TMF1: variants seen among roughly 807,000 people sequenced by gnomAD.
TMF1 encodes TATA element modulatory factor 1.
A neutral mutation model predicts 126.5 loss-of-function variants in TMF1; 71 were observed. That is an observed-to-expected ratio of 0.56 (90% confidence interval 0.46 to 0.68). The LOEUF (loss-of-function observed/expected upper bound fraction) is 0.68, where lower values mean the gene tolerates loss of function less well. Ranked by LOEUF, TMF1 falls within the 30% of genes least tolerant of loss-of-function variation. TMF1 has a pLI of 0.00. For missense variants in TMF1, 1,259 were observed against 1,253.2 expected, an observed-to-expected ratio of 1.00 and a Z score of -0.07; for synonymous variants, 461 against 430.5, an observed-to-expected ratio of 1.07 and a Z score of -0.88.
intron 1 of TMF1, among the ~76,000 whole-genome samples, chr3:69,049,828 A>G (rs2091916302): frequency 6.6e-6 from 1 of 152,218 alleles, no homozygotes; most frequent in Non-Finnish European, 1.5e-5. Context: ...CATTTCTTTA[A>G]AAATGTTTTC....
chr3:69,042,282 C>T (rs1288481748), intron 5 of TMF1: 3 of 451,966 alleles, frequency 6.6e-6, no homozygotes, highest in Non-Finnish European at 1.3e-5. Flanking sequence ...AAATGATCCA[C>T]CCACCTCTGC....
At chr3:69,050,194 A>C (rs543967445) in intron 1 of TMF1, among the ~76,000 whole-genome samples, 278 of 151,978 alleles carry the variant, frequency 1.8e-3, no homozygotes, top group African/African-American at 6.6e-3. Flanking sequence ...CAGGAGACAG[A>C]ATCTGCAGTG....
At chr3:69,034,793 A>G (rs2091823313) in intron 9 of TMF1, among the ~76,000 whole-genome samples, 1 of 152,356 alleles carries the variant, frequency 6.6e-6, no homozygotes, top group Non-Finnish European at 1.5e-5. Flanking sequence ...CTGAATACAT[A>G]TAACAAATCT....
rs753669553 is a variant in TMF1, at chr3:69,047,788, CGATTATATTCAG to C, written c.905_916del (p.Pro302_Asn305del). ...AGTGAGTTTTTGGAAATCATCTAAA[CGATTATATTCAG>C]GACAAGCAGATGCAGAGAGAAGCTG... On this transcript the variant is annotated inframe_deletion, in exon 2 of 17. Transcript: ENST00000398559. 6.2e-7 allele frequency: 1 copy of C among 1,613,982 alleles called. No homozygotes were observed. The highest frequency in any genetic ancestry group is 1.1e-5 in the South Asian group (1 of 91,072).
In TMF1 at chr3:69,043,862, A is replaced by T. The variant is rs2091880621; in HGVS notation, c.1466T>A (p.Val489Glu). 6.2e-7 allele frequency: 1 copy of T among 1,604,362 alleles called. No individual in the cohort carries two copies. Among genetic ancestry groups the T allele is most frequent in the South Asian group, 1.1e-5 (1 of 88,900 alleles). ...FDNLKDEMFR[V>E]KEESSSISSL... ...AGAAATGCTACTGCTTTCTTCTTTCACTCTGAACATTTCACTAAATTTAAA... is the reference window on the plus strand; with the variant it reads ...AGAAATGCTACTGCTTTCTTCTTTCTCTCTGAACATTTCACTAAATTTAAA... The change falls in exon 4 of 17, where the codon GTG becomes GAG. Residue 489 changes from valine (V) to glutamate (E), a missense_variant. Val to Glu is a moderately radical substitution (Grantham distance 121). Coordinates refer to ENST00000398559, the MANE Select transcript of TMF1 (RefSeq NM_007114.3).
chr3:69,042,968 G>A, intron 4 of TMF1, 56 bp from the exon 5 acceptor site: 1 of 1,245,006 alleles, frequency 8.0e-7, no homozygotes. Flanking sequence ...TCTAAGTACA[G>A]TTCTCATTTC....
chr3:69,048,115 G>A lies in TMF1; in HGVS notation c.590C>T (p.Ser197Phe). The change falls in exon 2 of 17, where the codon TCT becomes TTT. Residue 197 changes from serine to phenylalanine, a missense_variant. Physicochemically the swap from Ser to Phe is radical, Grantham distance 155. Coordinates refer to ENST00000398559, the MANE Select transcript of TMF1 (RefSeq NM_007114.3). Reference sequence around the variant, plus strand: ...TGTTTTCACATCAATTACACTTTCAGATACTTTCAAACTTACAGTTGGCAC... The same window carrying A: ...TGTTTTCACATCAATTACACTTTCAAATACTTTCAAACTTACAGTTGGCAC... Reference protein sequence around the residue: ...MKVPTVSLKVSESVIDVKTTM... With the variant: ...MKVPTVSLKVFESVIDVKTTM... 1.2e-6 allele frequency: 2 copies of A among 1,614,146 alleles called. No homozygotes were observed. The highest frequency in any genetic ancestry group is 1.7e-6 in the Non-Finnish European group (2 of 1,180,024).
chr3:69,034,844 C>A, intron 9 of TMF1, 179 bp downstream of exon 9: 1 of 603,524 alleles, frequency 1.7e-6, no homozygotes. Flanking sequence ...AAGGAATTTC[C>A]TTGTATAATT....
intron 5 of TMF1, among the ~76,000 whole-genome samples, chr3:69,040,137 TG>T (rs1423266142): frequency 6.6e-6 from 1 of 152,150 alleles, no homozygotes; most frequent in Non-Finnish European, 1.5e-5. Context: ...CGAACATGGG[TG>T]GGACATCCTG....
chr3:69,044,265 CGAAAG>C (rs981603082), intron 3 of TMF1, among the ~76,000 whole-genome samples: 12 of 151,962 alleles, frequency 7.9e-5, no homozygotes, highest in Non-Finnish European at 1.5e-4. Context: ...AGACTAAAAA[CGAAAG>C]GAAAGAGTTT....
In TMF1 at chr3:69,038,674, C is replaced by T. The variant is rs1336295845; in HGVS notation, c.2041G>A (p.Ala681Thr). ...HKANAAKDSEAQEAALSREMK... is the reference protein window; with the variant it reads ...HKANAAKDSETQEAALSREMK... The stretch of plus-strand genomic sequence containing the variant: ...TCACGGCTCAGAGCAGCTTCCTGTG[C>T]CTCACTATCCTTTGCAGCATTGGCT... The change falls in exon 8 of 17, where the codon GCA becomes ACA. Residue 681 changes from alanine (A) to threonine (T), a missense_variant. Physicochemically the swap from Ala to Thr is moderately conservative, Grantham distance 58. Coordinates refer to ENST00000398559, the MANE Select transcript of TMF1 (RefSeq NM_007114.3). The T allele has an allele frequency of 2.5e-6, 4 of 1,614,122 alleles. No individual in the cohort carries two copies. Among genetic ancestry groups the T allele is most frequent in the Admixed American group, 3.3e-5 (2 of 60,016 alleles).
At position 69,026,099 on chromosome 3, in the gene TMF1, T is replaced by C; in HGVS notation, c.2758-2A>G. On this transcript the variant is annotated splice_acceptor_variant, in intron 13 of 16. Transcript: ENST00000398559. LOFTEE classifies it high-confidence loss of function. ...AGAAACAGAAAATGGCTTGCGTTCCTTAGGGAGTAAAAAAAATTCTGTTCA... is the reference window on the plus strand; with the variant it reads ...AGAAACAGAAAATGGCTTGCGTTCCCTAGGGAGTAAAAAAAATTCTGTTCA... 1 of 1,608,288 alleles carries C rather than the reference T, an allele frequency of 6.2e-7. No homozygotes were observed. Among genetic ancestry groups the C allele is most frequent in the Non-Finnish European group, 8.5e-7 (1 of 1,176,110 alleles).
intron 13 of TMF1, among the ~76,000 whole-genome samples, chr3:69,027,248 A>G (rs1312378127): frequency 2.6e-5 from 4 of 152,046 alleles, no homozygotes; most frequent in Non-Finnish European, 5.9e-5. Flanking sequence ...CACCTACCTC[A>G]GCCTCTCAAA....
chr3:69,043,629 A>T, intron 4 of TMF1, 121 bp downstream of exon 4: 1 of 977,178 alleles, frequency 1.0e-6, no homozygotes. Flanking sequence ...TTTAAATGTT[A>T]ATAGATGATA....
intron 4 of TMF1, 34 bp downstream of exon 4, chr3:69,043,716 G>C (rs747428881): frequency 1.1e-5 from 17 of 1,561,638 alleles, no homozygotes; most frequent in African/African-American, 4.1e-5. Context: ...TATCTCTATA[G>C]AGTTTAATTA....
At chr3:69,033,521 A>G in intron 10 of TMF1, 27 bp downstream of exon 10, 1 of 1,599,142 alleles carries the variant, frequency 6.3e-7, no homozygotes, top group South Asian at 1.1e-5. Flanking sequence ...GAGCTTCTGC[A>G]TCGAGCATAA....
Position 69,048,176 on chromosome 3 carries a change from G to A in TMF1, c.529C>T (p.His177Tyr). Residue 177 changes from histidine to tyrosine, a missense_variant, in exon 2 of 17, where the codon CAC becomes TAC. Physicochemically the swap from His to Tyr is moderately conservative, Grantham distance 83. Transcript: ENST00000398559. ...GATTCTTTATTAACAGTTTCTTCGT[G>A]CTTGCCTTCAGTTTTAGGTGATGAA... ...GTSSPKTEGK[H>Y]EETVNKESDM... 1 of 1,614,156 alleles carries A rather than the reference G, an allele frequency of 6.2e-7. No individual in the cohort carries two copies. The highest frequency in any genetic ancestry group is 1.3e-5 in the African/African-American group (1 of 75,026).
At position 69,052,127 on chromosome 3, in the gene TMF1, G is replaced by A; in HGVS notation, c.-41C>T. 6.3e-7 allele frequency: 1 copy of A among 1,587,924 alleles called. No homozygotes were observed. The highest frequency in any genetic ancestry group is 8.5e-7 in the Non-Finnish European group (1 of 1,170,086). ...GGCAGTGGCGGCGGCAGCACCAAGC[G>A]GGAAGGCCTCAGGCCTGGGGAAGGG... is the stretch of plus-strand genomic sequence containing the variant. On this transcript the variant is annotated 5_prime_UTR_variant, in exon 1 of 17. Transcript: ENST00000398559.
At chr3:69,050,191 C>T (rs1461883435) in intron 1 of TMF1, among the ~76,000 whole-genome samples, 1 of 148,786 alleles carries the variant, frequency 6.7e-6, no homozygotes, top group African/African-American at 2.5e-5. Flanking sequence ...GCTCAGGAGA[C>T]AGAATCTGCA....
Sources: allele counts gnomAD v4.1 joint callset (sites outside exome capture counted in the v4.1 genomes callset), GRCh38; gene constraint gnomAD v4.1.1; transcripts MANE v1.5; gene names NCBI Gene and HGNC (gene_info 2026-07-23, HGNC 2026-07-21).